WASHC2A: variants seen among roughly 807,000 people sequenced by gnomAD.
WASHC2A encodes WASH complex subunit 2A.
In WASHC2A, 82 loss-of-function variants were observed where a neutral mutation model predicts 140.3. The observed-to-expected ratio is 0.58, with a 90% confidence interval of 0.49 to 0.70. The LOEUF is 0.70. Ranked by LOEUF, WASHC2A falls within the 30% of genes least tolerant of loss-of-function variation. The pLI is 0.00. For missense variants in WASHC2A, 985 were observed against 1,521.8 expected, an observed-to-expected ratio of 0.65 and a Z score of 5.87; for synonymous variants, 340 against 560.8, an observed-to-expected ratio of 0.61 and a Z score of 5.56.
At chr10:50,108,889 G>GAAAAA (rs1182148936) in intron 19 of WASHC2A, among the ~76,000 whole-genome samples, 2 of 75,634 alleles carry the variant, frequency 2.6e-5, no homozygotes, top group Non-Finnish European at 4.8e-5. Flanking sequence ...CTCGAAAAAG[G>GAAAAA]AAAAAAAAAA....
chr10:50,113,161 T>G (rs1342250773), intron 20 of WASHC2A, among the ~76,000 whole-genome samples: 7 of 150,950 alleles, frequency 4.6e-5, no homozygotes, highest in African/African-American at 1.7e-4. Context: ...TGAGGCCAGG[T>G]GTTTGAGACC....
rs1839865391 is a variant in WASHC2A, at chr10:50,090,846, A to T, written c.803A>T (p.Glu268Val). Residue 268 changes from glutamate to valine, a missense_variant, in exon 9 of 31, where the codon GAG becomes GTG. By Grantham distance (121) the Glu-to-Val change is moderately radical. Transcript: ENST00000282633. ...GCDLFADSEK[E>V]EEDIEDIEEN... ...GACCTTTTCGCTGACTCTGAGAAGG[A>T]GGAGGAAGATATTGAGGACATTGAA... The T allele has an allele frequency of 2.9e-5, 47 of 1,611,630 alleles. No individual in the cohort carries two copies. In the South Asian group the frequency reaches 4.0e-4, roughly 14 times the overall value.
rs1839182360 is a variant in WASHC2A, at chr10:50,084,156, T to A, written c.613T>A (p.Ser205Thr). Residue 205 changes from serine (S) to threonine (T), a missense_variant, in exon 6 of 31, where the codon TCC becomes ACC. Physicochemically the swap from Ser to Thr is moderately conservative, Grantham distance 58 (BLOSUM62 1). Coordinates refer to ENST00000282633, the MANE Select transcript of WASHC2A (RefSeq NM_001005751.3). Reference sequence around the variant, plus strand: ...AGAAGATGTAGGTCTTGGAGAGCTGTCCAGTGAAGGTACTTTTCTTCACCA... The same window carrying A: ...AGAAGATGTAGGTCTTGGAGAGCTGACCAGTGAAGGTACTTTTCTTCACCA... ...EQEDVGLGELSSEEGSVGSDR... is the reference protein window; with the variant it reads ...EQEDVGLGELTSEEGSVGSDR... 1.2e-6 allele frequency: 2 copies of A among 1,611,524 alleles called. No homozygotes were observed. The highest frequency in any genetic ancestry group is 1.7e-6 in the Non-Finnish European group (2 of 1,179,768).
At chr10:50,092,667 A>G (rs1163153942) in intron 11 of WASHC2A, among the ~76,000 whole-genome samples, 2 of 151,578 alleles carry the variant, frequency 1.3e-5, no homozygotes, top group African/African-American at 2.4e-5. Context: ...AAAAACAAAC[A>G]GAAGCCTTGG....
rs571357702 is a variant in WASHC2A, at chr10:50,075,748, G to A, written c.292-2927G>A. Among the ~76,000 whole-genome samples, 912 of 151,924 alleles carry A rather than the reference G, an allele frequency of 6.0e-3. 9 individuals carry two copies. The highest frequency in any genetic ancestry group is 0.02 in the African/African-American group (827 of 41,354). ...TGTGGGTCTGTTTCTGCCCTCTGCT[G>A]TTTGTTTTGTTTCTCTGCTGTTTGC... On this transcript the variant is annotated intron_variant, in intron 3 of 30. Coordinates refer to ENST00000282633, the MANE Select transcript of WASHC2A (RefSeq NM_001005751.3).
intron 3 of WASHC2A, among the ~76,000 whole-genome samples, chr10:50,071,110 CT>C: frequency 8.3e-6 from 1 of 120,768 alleles, no homozygotes; most frequent in East Asian, 3.1e-4. Flanking sequence ...TTGGTCCTGA[CT>C]ATCTCACTGG....
chr10:50,129,929 C>T lies in WASHC2A; in HGVS notation c.3598C>T (p.Pro1200Ser), dbSNP rs1235210809. The T allele has an allele frequency of 3.7e-6, 6 of 1,611,962 alleles. No homozygotes were observed. The South Asian group carries it at 5.5e-5, about 15-fold the overall frequency. ...PKPAKKTNPF[P>S]LLEDEDDLFT... ...ACCAGCAAAGAAAACAAATCCCTTT[C>T]CTCTCCTGGAAGATGAGGATGACCT... Residue 1200 changes from proline (P) to serine (S), a missense_variant, in exon 29 of 31, where the codon CCT (proline) becomes TCT (serine). By Grantham distance (74) the Pro-to-Ser change is moderately conservative. Transcript: ENST00000282633.
intron 17 of WASHC2A, among the ~76,000 whole-genome samples, chr10:50,103,777 C>A (rs1249653577): frequency 6.6e-6 from 1 of 152,160 alleles, no homozygotes; most frequent in African/African-American, 2.4e-5. Flanking sequence ...TGCCTTCTGT[C>A]ATTCAGGTGG....
Position 50,106,480 on chromosome 10 carries a change from C to T in WASHC2A, c.1869+15C>T, listed in dbSNP as rs375367512. The T allele has an allele frequency of 9.4e-6, 15 of 1,594,030 alleles. No individual in the cohort carries two copies. Among genetic ancestry groups the T allele is most frequent in the Middle Eastern group, 2.3e-4 (1 of 4,362 alleles). On this transcript the variant is annotated intron_variant, in intron 19 of 30. Transcript: ENST00000282633. ...GTGATGAGGAGGTGAGCTGAGGTTT[C>T]TGCTAAAGAAGAGGGGATTATTTCA... is the stretch of plus-strand genomic sequence containing the variant.
intron 7 of WASHC2A, 122 bp from the exon 8 acceptor site, chr10:50,087,149 CTGAG>C (rs1248208329): frequency 2.4e-6 from 3 of 1,266,456 alleles, no homozygotes; most frequent in African/African-American, 2.9e-5. Flanking sequence ...TACAAAGAGA[CTGAG>C]TGTCAGAGCT....
intron 18 of WASHC2A, among the ~76,000 whole-genome samples, chr10:50,105,983 G>A (rs1192803279): frequency 8.5e-5 from 13 of 152,294 alleles, no homozygotes; most frequent in African/African-American, 2.9e-4. Flanking sequence ...GGGGGCTCCC[G>A]TGCCCATTGC....
At chr10:50,128,029 G>A (rs1203052653) in intron 28 of WASHC2A, among the ~76,000 whole-genome samples, 10 of 151,424 alleles carry the variant, frequency 6.6e-5, no homozygotes, top group Admixed American at 1.3e-4. Flanking sequence ...CCACAGTAAC[G>A]TCTCACCACT....
rs1400177801 is a variant in WASHC2A at position 50,095,812 on chromosome 10, G to A, written c.1420+34G>A. On this transcript the variant is annotated intron_variant, in intron 15 of 30. Transcript: ENST00000282633. The stretch of plus-strand genomic sequence containing the variant: ...TCCTGCCTCCGTTTCTAGGACTTCA[G>A]CCAGAAAAAGAACGTTGCCTAAAAA... 73 of 1,572,882 alleles carry A rather than the reference G, an allele frequency of 4.6e-5. No individual in the cohort carries two copies. The East Asian group carries it at 1.6e-3, about 35-fold the overall frequency.
At chr10:50,078,652 A>G (rs1424121496) in intron 3 of WASHC2A, 23 bp from the exon 4 acceptor site, 4 of 1,611,804 alleles carry the variant, frequency 2.5e-6, no homozygotes, top group Admixed American at 3.3e-5. Flanking sequence ...ACCTTTTAAC[A>G]TTGAGTTTGC....
chr10:50,091,979 A>G (rs1427222857), intron 10 of WASHC2A, among the ~76,000 whole-genome samples, 183 bp from the exon 11 acceptor site: 1 of 152,266 alleles, frequency 6.6e-6, no homozygotes, highest in Non-Finnish European at 1.5e-5. Context: ...CTGCCTTACA[A>G]AGAGACTCTT....
In WASHC2A at chr10:50,110,258, T is replaced by C; in HGVS notation, c.2027T>C (p.Ile676Thr). The C allele has an allele frequency of 6.2e-7, 1 of 1,611,762 alleles. No homozygotes were observed. The highest frequency in any genetic ancestry group is 8.5e-7 in the Non-Finnish European group (1 of 1,179,782). ...EEDEEDDLFA[I>T]AKDSQKKTQR... ...GACGAAGAAGATGATCTTTTTGCCA[T>C]TGCCAAGGACAGGTGAGATAGTCAT... The change falls in exon 20 of 31, where the codon ATT (isoleucine) becomes ACT (threonine). Residue 676 changes from isoleucine (I) to threonine (T), a missense_variant. Transcript: ENST00000282633.
intron 4 of WASHC2A, among the ~76,000 whole-genome samples, chr10:50,079,438 C>T (rs1333056706): frequency 6.6e-6 from 1 of 151,650 alleles, no homozygotes; most frequent in Non-Finnish European, 1.5e-5. Flanking sequence ...ACTCTGTTGC[C>T]CAGGCTGGAG....
At chr10:50,127,025 G>A in intron 26 of WASHC2A, 135 bp from the exon 27 acceptor site, 1 of 1,059,920 alleles carries the variant, frequency 9.4e-7, no homozygotes, top group Non-Finnish European at 1.5e-6. Flanking sequence ...CCCCAGGAGA[G>A]ATTTGAATGC....
intron 3 of WASHC2A, among the ~76,000 whole-genome samples, chr10:50,074,694 C>T (rs1838138666): frequency 6.6e-6 from 1 of 152,102 alleles, no homozygotes; most frequent in Non-Finnish European, 1.5e-5. Flanking sequence ...GTGGGCGGAT[C>T]ACGAGGTCAG....
Sources: allele counts gnomAD v4.1 joint callset (sites outside exome capture counted in the v4.1 genomes callset), GRCh38; gene constraint gnomAD v4.1.1; transcripts MANE v1.5; gene names NCBI Gene and HGNC (gene_info 2026-07-23, HGNC 2026-07-21).